The following STX18 variants were observed in gnomAD, a reference collection of about 807,000 sequenced individuals.
STX18 encodes the protein syntaxin-18.
A neutral mutation model predicts 50.1 loss-of-function variants in STX18; 40 were observed. That is an observed-to-expected ratio of 0.80 (90% CI 0.62 to 1.04). The LOEUF is 1.04. Ranked by LOEUF, STX18 falls within the 50% of genes least tolerant of loss-of-function variation. The probability of loss-of-function intolerance (pLI) is 0.00; values close to 1 mark genes in which losing one functional copy is unlikely to be tolerated. For missense variants in STX18, 410 were observed against 415.8 expected (o/e 0.99, Z 0.12); for synonymous variants, 158 against 151.8 (o/e 1.04, Z -0.30).
At chr4:4,441,051 C>A (rs1034107662) in intron 5 of STX18, among the ~76,000 whole-genome samples, 2 of 152,224 alleles carry the variant, frequency 1.3e-5, no homozygotes, top group Admixed American at 6.5e-5. Flanking sequence ...AGCCTCATTT[C>A]TTCTTCATGG....
chr4:4,524,613 A>T (rs1429031505), intron 1 of STX18, among the ~76,000 whole-genome samples: 3 of 152,218 alleles, frequency 2.0e-5, no homozygotes, highest in African/African-American at 7.2e-5. Context: ...AGGGCGTTAG[A>T]GGCGCCTTAA....
At chr4:4,457,589 G>C in intron 3 of STX18, 89 bp from the exon 4 acceptor site, 1 of 976,932 alleles carries the variant, frequency 1.0e-6, no homozygotes, top group Non-Finnish European at 1.6e-6. Context: ...TTTCTTTATT[G>C]AGAGTATTTT....
Position 4,527,337 on chromosome 4 carries a change from G to C in STX18, c.168+14460C>G, listed in dbSNP as rs112534918. Among the ~76,000 whole-genome samples the C allele has an allele frequency of 7.9e-4, 120 of 152,028 alleles. 2 individuals carry two copies. Among genetic ancestry groups the C allele is most frequent in the African/African-American group, 2.8e-3 (115 of 41,450 alleles). On this transcript the variant is annotated intron_variant, in intron 1 of 10. Coordinates refer to ENST00000306200, the MANE Select transcript of STX18 (RefSeq NM_016930.4). The stretch of plus-strand genomic sequence containing the variant: ...ACTCACAAAAAAAGGGTTGAGTGTG[G>C]GTAATAAATGCTTAATAGCAATAAC...
Position 4,460,094 on chromosome 4 carries a change from C to A in STX18, c.237-607G>T, listed in dbSNP as rs1410335103. Among the ~76,000 whole-genome samples, 3 of 152,108 alleles carry A rather than the reference C, an allele frequency of 2.0e-5. No homozygotes were observed. The East Asian group carries it at 5.8e-4, about 29-fold the overall frequency. On this transcript the variant is annotated intron_variant, in intron 2 of 10. Transcript: ENST00000306200. ...TCTATCCCACTTCCCTTCTTCCTTC[C>A]CCGTAAAGATACTTACCCCACTCTA...
intron 1 of STX18, among the ~76,000 whole-genome samples, chr4:4,488,183 G>A (rs1405459636): frequency 6.6e-6 from 1 of 152,030 alleles, no homozygotes; most frequent in Non-Finnish European, 1.5e-5. Flanking sequence ...CAGATTAGCA[G>A]CATAGTATAA....
At chr4:4,466,976 G>A (rs914608048) in intron 2 of STX18, among the ~76,000 whole-genome samples, 6 of 152,024 alleles carry the variant, frequency 3.9e-5, no homozygotes, top group South Asian at 2.1e-4. Context: ...CTAGGGAGTC[G>A]AAGCTGTCCT....
Position 4,419,708 on chromosome 4 carries a change from G to A in STX18, c.*326C>T. On this transcript the variant is annotated 3_prime_UTR_variant, in exon 11 of 11. Coordinates refer to ENST00000306200, the MANE Select transcript of STX18 (RefSeq NM_016930.4). ...AGACAATTAGGGGCTCTTGAGGCCT[G>A]CTGTGCCCCTGCTGCCAAGGCAGCC... 4.1e-6 allele frequency: 1 copy of A among 242,504 alleles called. No individual in the cohort carries two copies. The highest frequency in any genetic ancestry group is 8.0e-6 in the Non-Finnish European group (1 of 124,442). The allele number at this position is 242,504 out of a possible 1,614,324, so 15.0% of individuals were successfully genotyped here. A position where few individuals can be genotyped will look rare whatever the true frequency, so the allele number is the denominator to read the frequency against.
chr4:4,527,758 AAGAT>A (rs1435427565), intron 1 of STX18, among the ~76,000 whole-genome samples: 7 of 148,896 alleles, frequency 4.7e-5, no homozygotes, highest in Middle Eastern at 3.6e-3. Context: ...CTAAGGAAGA[AAGAT>A]AGAGAAAAAA....
intron 1 of STX18, among the ~76,000 whole-genome samples, chr4:4,535,236 C>T (rs897005626): frequency 3.3e-5 from 5 of 152,096 alleles, no homozygotes; most frequent in Admixed American, 2.6e-4. Context: ...TTTTTTATGG[C>T]CCCACAATGC....
At chr4:4,426,048 C>T (rs62289801) in intron 7 of STX18, 6,652 of 152,298 alleles carry the variant, frequency 0.044, 179 homozygotes, top group African/African-American at 0.082. Context: ...CCTGCATTTC[C>T]TCCCCGATGC....
chr4:4,512,090 A>G (rs1339578188), intron 1 of STX18, among the ~76,000 whole-genome samples: 6 of 152,116 alleles, frequency 3.9e-5, no homozygotes, highest in Non-Finnish European at 8.8e-5. Flanking sequence ...GCAAAATTGC[A>G]CGAGCCACTG....
At chr4:4,437,704 C>T (rs35133822) in intron 6 of STX18, 36,026 of 796,604 alleles carry the variant, frequency 0.045, 872 homozygotes, top group Middle Eastern at 0.058. Context: ...GGCTCCAGCA[C>T]GCCATCACCC....
intron 1 of STX18, chr4:4,507,493 A>C: frequency 1.3e-6 from 1 of 766,972 alleles, no homozygotes; most frequent in South Asian, 1.3e-5. Flanking sequence ...TATCGCTCAG[A>C]GGAGAATTCT....
At chr4:4,513,990 G>C (rs1730123955) in intron 1 of STX18, among the ~76,000 whole-genome samples, 1 of 152,120 alleles carries the variant, frequency 6.6e-6, no homozygotes, top group Non-Finnish European at 1.5e-5. Flanking sequence ...AGTCAATACT[G>C]GAGAAAGAAC....
At chr4:4,502,927 G>A (rs1462103476) in intron 1 of STX18, among the ~76,000 whole-genome samples, 2 of 152,104 alleles carry the variant, frequency 1.3e-5, no homozygotes, top group South Asian at 2.1e-4. Flanking sequence ...ACTATGCTGC[G>A]CTGTCCCGGA....
At chr4:4,425,071 T>G in intron 8 of STX18, 93 bp downstream of exon 8, 1 of 1,209,162 alleles carries the variant, frequency 8.3e-7, no homozygotes, top group South Asian at 1.2e-5. Context: ...AAGGGCCCCA[T>G]GGGGATGCCT....
intron 1 of STX18, among the ~76,000 whole-genome samples, chr4:4,475,020 T>G (rs1196006451): frequency 6.6e-6 from 1 of 152,192 alleles, no homozygotes; most frequent in African/African-American, 2.4e-5. Flanking sequence ...TACAAAGTTT[T>G]GAAAAGTGCA....
chr4:4,474,969 A>G (rs1248317353), intron 1 of STX18, among the ~76,000 whole-genome samples: 2 of 152,250 alleles, frequency 1.3e-5, no homozygotes, highest in African/African-American at 4.8e-5. Flanking sequence ...GAACCTTACT[A>G]TCCACAACAG....
chr4:4,460,787 G>A (rs1727336061), intron 2 of STX18, among the ~76,000 whole-genome samples: 1 of 152,076 alleles, frequency 6.6e-6, no homozygotes, highest in African/African-American at 2.4e-5. Flanking sequence ...TGAGAGAATG[G>A]ACTCTGTCCG....
Sources: gnomAD v4.1 joint callset for allele counts (sites outside exome capture counted in the v4.1 genomes callset) on GRCh38, gnomAD v4.1.1 for gene constraint, MANE v1.5 for transcripts, NCBI Gene and HGNC (gene_info 2026-07-23, HGNC 2026-07-21) for gene names.